STAT3: variants seen among roughly 807,000 people sequenced by gnomAD.
STAT3 encodes the protein signal transducer and activator of transcription 3.
In STAT3, 7 loss-of-function variants were observed where a neutral mutation model predicts 114.3. The observed-to-expected ratio is 0.06, with a 90% CI of 0.03 to 0.11. The LOEUF (loss-of-function observed/expected upper bound fraction) is 0.11, where lower values mean the gene tolerates loss of function less well. Ranked by LOEUF, STAT3 falls within the 10% of genes least tolerant of loss-of-function variation. The pLI is 1.00. For synonymous variants in STAT3, 331 were observed against 354.5 expected, an observed-to-expected ratio of 0.93 and a Z score of 0.74; for missense variants, 364 against 960.9, an observed-to-expected ratio of 0.38 and a Z score of 8.21.
chr17:42,334,804 G>A (rs1354138021), intron 8 of STAT3, among the ~76,000 whole-genome samples: 2 of 152,112 alleles, frequency 1.3e-5, no homozygotes, highest in Non-Finnish European at 2.9e-5. Context: ...AAATTTCTAA[G>A]AGGGGGCTGG....
At chr17:42,325,353 T>C (rs2081659262) in intron 15 of STAT3, among the ~76,000 whole-genome samples, 1 of 152,126 alleles carries the variant, frequency 6.6e-6, no homozygotes, top group Admixed American at 6.6e-5. Flanking sequence ...TTTTAAGACC[T>C]TGGAGGCATT....
At position 42,354,246 on chromosome 17, in the gene STAT3, T is replaced by G. The variant is rs1189184103; in HGVS notation, c.-23-5707A>C. ...GTGCAGTGGGGCGATCTTGGCTCAC[T>G]GCAGCCTCCACCTCCCAGGTTCAAG... On this transcript the variant is annotated intron_variant, in intron 1 of 23. Transcript: ENST00000264657. Among the ~76,000 whole-genome samples, 4 of 145,318 alleles carry G rather than the reference T, an allele frequency of 2.8e-5. No homozygotes were observed. The Admixed American group carries it at 2.8e-4, about 10-fold the overall frequency.
rs1002925540 is a variant in STAT3, at chr17:42,314,772, C to A, written c.*973G>T. On this transcript the variant is annotated 3_prime_UTR_variant, in exon 24 of 24. Coordinates refer to ENST00000264657, the MANE Select transcript of STAT3 (RefSeq NM_139276.3). Reference sequence around the variant, plus strand: ...TGTCTTAAGGGTTTGACCTGAAGCCCGTTTCAGGGATTATATAAATTACCA... The same window carrying A: ...TGTCTTAAGGGTTTGACCTGAAGCCAGTTTCAGGGATTATATAAATTACCA... The A allele has an allele frequency of 4.7e-6, 1 of 212,416 alleles. No homozygotes were observed. Among genetic ancestry groups the A allele is most frequent in the African/African-American group, 2.3e-5 (1 of 44,072 alleles). The allele number at this position is 212,416 out of a possible 1,614,324, so 13.2% of individuals were successfully genotyped here. A position where few individuals can be genotyped will look rare whatever the true frequency, so the allele number is the denominator to read the frequency against.
rs762301765 is a variant in STAT3, at chr17:42,337,576, C to T, written c.656G>A (p.Ser219Asn). 2 of 1,614,090 alleles carry T rather than the reference C, an allele frequency of 1.2e-6. No individual in the cohort carries two copies. The highest frequency in any genetic ancestry group is 2.7e-5 in the African/African-American group (2 of 74,934). The change falls in exon 8 of 24, where the codon AGT becomes AAT. Residue 219 changes from serine to asparagine, a missense_variant. Around this residue, in one of 5 missense-constraint regions of STAT3, gnomAD observed 294 missense variants for 745.1 expected, o/e 0.39. Coordinates refer to ENST00000264657, the MANE Select transcript of STAT3 (RefSeq NM_139276.3). The surrounding 1 kb of genome is among the most constrained non-coding windows in gnomAD (Gnocchi z 4.0). The stretch of plus-strand genomic sequence containing the variant: ...CGCTGACAAAAGCCCCGCCAGCTCA[C>T]TCACGATGCTCTGGTTGGAAACCAA... The part of the protein sequence containing the change: ...ALDQMRRSIV[S>N]ELAGLLSAME...
chr17:42,321,071 C>T (rs1252659652), intron 21 of STAT3, among the ~76,000 whole-genome samples: 1 of 151,338 alleles, frequency 6.6e-6, no homozygotes, highest in Non-Finnish European at 1.5e-5. Flanking sequence ...CAGGTGTGAA[C>T]CCCCATGCCC....
chr17:42,330,300 G>C (rs1396958762), intron 11 of STAT3, among the ~76,000 whole-genome samples: 4 of 151,780 alleles, frequency 2.6e-5, no homozygotes, highest in African/African-American at 9.7e-5. Context: ...ATTTTTAGTA[G>C]AGACAAGGTT....
At chr17:42,317,304 G>A (rs1225761106) in intron 21 of STAT3, 80 bp from the exon 22 acceptor site, 25 of 1,509,208 alleles carry the variant, frequency 1.7e-5, no homozygotes, top group South Asian at 1.5e-4. Flanking sequence ...CATCTGCCTC[G>A]GCAGGACTGA....
chr17:42,386,641 C>T (rs1303546529), intron 1 of STAT3, among the ~76,000 whole-genome samples: 2 of 152,162 alleles, frequency 1.3e-5, no homozygotes, highest in Admixed American at 6.6e-5. Flanking sequence ...AAGGAATCCT[C>T]CCACCTCAGC....
At chr17:42,334,533 C>G (rs965520727) in intron 8 of STAT3, among the ~76,000 whole-genome samples, 1 of 150,536 alleles carries the variant, frequency 6.6e-6, no homozygotes, top group Non-Finnish European at 1.5e-5. Flanking sequence ...CAACCTCCGC[C>G]TCCCAAGTTC....
intron 1 of STAT3, chr17:42,386,826 A>C (rs2145424418): frequency 6.6e-6 from 1 of 152,346 alleles, no homozygotes; most frequent in South Asian, 2.1e-4. Context: ...CCAACCTCTA[A>C]AACATTTTTT....
At chr17:42,366,670 C>CAAA (rs34003618) in intron 1 of STAT3, among the ~76,000 whole-genome samples, 1 of 57,596 alleles carries the variant, frequency 1.7e-5, no homozygotes, top group African/African-American at 6.4e-5. Context: ...GATCCTGTCT[C>CAAA]AAAAAAAAAA....
chr17:42,324,190 G>C lies in STAT3; in HGVS notation c.1600+521C>G, dbSNP rs2081602366. On this transcript the variant is annotated intron_variant, in intron 17 of 23. Coordinates refer to ENST00000264657, the MANE Select transcript of STAT3 (RefSeq NM_139276.3). This position sits in a 1 kb window ranked among gnomAD's most constrained non-coding sequence, Gnocchi z 4.5. ...AAAAATTAGCTGGGCGTGGTGGTGAGCACCTGTAGTCTCAGCTACTCGGGA... is the reference window on the plus strand; with the variant it reads ...AAAAATTAGCTGGGCGTGGTGGTGACCACCTGTAGTCTCAGCTACTCGGGA... Among the ~76,000 whole-genome samples the C allele has an allele frequency of 1.3e-5, 2 of 152,012 alleles. No homozygotes were observed. Among genetic ancestry groups the C allele is most frequent in the Admixed American group, 1.3e-4 (2 of 15,228 alleles).
chr17:42,373,077 C>T (rs1019976492), intron 1 of STAT3, among the ~76,000 whole-genome samples: 1 of 152,096 alleles, frequency 6.6e-6, no homozygotes, highest in Non-Finnish European at 1.5e-5. Context: ...CTAGACTGGC[C>T]GCAGTGGCTC....
intron 1 of STAT3, among the ~76,000 whole-genome samples, chr17:42,369,089 C>A (rs114859760): frequency 6.6e-6 from 1 of 152,112 alleles, no homozygotes; most frequent in Non-Finnish European, 1.5e-5. Context: ...CAGCCGAGCA[C>A]GGTGGCTCAC....
intron 1 of STAT3, among the ~76,000 whole-genome samples, chr17:42,369,164 C>A (rs1230613603): frequency 6.6e-6 from 1 of 152,118 alleles, no homozygotes; most frequent in Non-Finnish European, 1.5e-5. Flanking sequence ...TCAAGAACAG[C>A]CTGCCCAACA....
chr17:42,382,643 C>CT lies in STAT3; in HGVS notation c.-24+5635dup, dbSNP rs922628342. ...TCTGAATTAAAGAGTTGCGGTAATC[C>CT]TTTTTTTTTTCTTTTTTTTTTGAGA... On this transcript the variant is annotated intron_variant, in intron 1 of 23. Coordinates refer to ENST00000264657, the MANE Select transcript of STAT3 (RefSeq NM_139276.3). Among the ~76,000 whole-genome samples the CT allele has an allele frequency of 6.0e-4, 89 of 148,852 alleles. 1 individual carries two copies. Among genetic ancestry groups the CT allele is most frequent in the Middle Eastern group, 3.4e-3 (1 of 290 alleles).
At chr17:42,374,610 CAAA>C (rs1260078348) in intron 1 of STAT3, among the ~76,000 whole-genome samples, 2 of 120,926 alleles carry the variant, frequency 1.7e-5, no homozygotes, top group Admixed American at 9.0e-5. Flanking sequence ...AACTCCATCT[CAAA>C]AAAAAAAAAA....
At chr17:42,380,162 G>A (rs1342964453) in intron 1 of STAT3, among the ~76,000 whole-genome samples, 7 of 151,792 alleles carry the variant, frequency 4.6e-5, no homozygotes, top group Non-Finnish European at 5.9e-5. Context: ...TCAGCCTCCC[G>A]GGTAGCTGGG....
Position 42,324,590 on chromosome 17 carries a change from G to T in STAT3, c.1600+121C>A. The T allele has an allele frequency of 7.2e-7, 1 of 1,396,888 alleles. No homozygotes were observed. Among genetic ancestry groups the T allele is most frequent in the Non-Finnish European group, 9.7e-7 (1 of 1,027,186 alleles). 86.5% of individuals were successfully genotyped at this position (1,396,888 alleles called of 1,614,324 possible). A position where few individuals can be genotyped will look rare whatever the true frequency, so the allele number is the denominator to read the frequency against. On this transcript the variant is annotated intron_variant, in intron 17 of 23. Coordinates refer to ENST00000264657, the MANE Select transcript of STAT3 (RefSeq NM_139276.3). The surrounding 1 kb of genome is among the most constrained non-coding windows in gnomAD (Gnocchi z 4.5). ...CCCTGTTTCCTGGCACCAGCACAGC[G>T]CCTTGCTCAGGAAAGAAACATGGCC...
Sources: gnomAD v4.1 joint callset for allele counts (sites outside exome capture counted in the v4.1 genomes callset) on GRCh38, gnomAD v4.1.1 for gene constraint, gnomAD v4.1.1 regional missense constraint, Gnocchi (gnomAD v3.1) non-coding constraint, MANE v1.5 for transcripts, NCBI Gene and HGNC (gene_info 2026-07-23, HGNC 2026-07-21) for gene names.